The following GRHL2 variants were observed in gnomAD, a reference collection of about 807,000 sequenced individuals.
GRHL2 encodes the protein grainyhead like transcription factor 2, also known as grainyhead-like protein 2 homolog.
Under a neutral mutation model 83.8 loss-of-function variants are expected in GRHL2, and 21 were observed. The observed-to-expected ratio is 0.25, with a 90% CI of 0.18 to 0.36. The LOEUF is 0.36. Ranked by LOEUF, GRHL2 falls within the 10% of genes least tolerant of loss-of-function variation. The pLI is 1.00. For missense variants in GRHL2, 623 were observed against 781.8 expected (o/e 0.80, Z 2.42); for synonymous variants, 280 against 278.9 (o/e 1.00, Z -0.04).
At position 101,647,555 on chromosome 8, in the gene GRHL2, T is replaced by C. The variant is rs934433943; in HGVS notation, c.1613-1859T>C. 9.2e-5 allele frequency among the ~76,000 whole-genome samples: 14 copies of C among 152,210 alleles called. No individual in the cohort carries two copies. The East Asian group carries it at 2.5e-3, about 27-fold the overall frequency. On this transcript the variant is annotated intron_variant, in intron 13 of 15. Transcript: ENST00000646743. ...ATTATTTTTCCTTGTACCGCTAACA[T>C]TGAGTCCTCTTATAATAGCCATTAG...
intron 7 of GRHL2, among the ~76,000 whole-genome samples, chr8:101,584,377 A>G (rs1340673008): frequency 6.6e-6 from 1 of 152,206 alleles, no homozygotes; most frequent in African/African-American, 2.4e-5. Context: ...TTAAGTTTTC[A>G]AAATGAAATC....
At chr8:101,636,243 T>A (rs1813282850) in intron 11 of GRHL2, among the ~76,000 whole-genome samples, 1 of 152,222 alleles carries the variant, frequency 6.6e-6, no homozygotes, top group African/African-American at 2.4e-5. Context: ...CCTTCTGCCA[T>A]GCCAACTACC....
chr8:101,589,020 A>G (rs1030189744), intron 7 of GRHL2, among the ~76,000 whole-genome samples: 1 of 152,208 alleles, frequency 6.6e-6, no homozygotes, highest in Non-Finnish European at 1.5e-5. Flanking sequence ...CGGGGTGATT[A>G]CTGCTGATTA....
chr8:101,673,970 C>T (rs1190479035), downstream of GRHL2, among the ~76,000 whole-genome samples: 2 of 152,084 alleles, frequency 1.3e-5, no homozygotes, highest in African/African-American at 2.4e-5. Context: ...GGGTACATAA[C>T]GAAATGTAGG....
At chr8:101,582,260 G>A (rs1812069881) in intron 7 of GRHL2, among the ~76,000 whole-genome samples, 1 of 150,038 alleles carries the variant, frequency 6.7e-6, no homozygotes, top group Non-Finnish European at 1.5e-5. Context: ...AAATGGGACT[G>A]ACAAATTATT....
chr8:101,549,139 G>A (rs1811326791), intron 2 of GRHL2, among the ~76,000 whole-genome samples: 1 of 151,526 alleles, frequency 6.6e-6, no homozygotes, highest in African/African-American at 2.4e-5. Flanking sequence ...GGGTGGTAGT[G>A]TGGGGGTAGG....
At chr8:101,554,385 A>G (rs984983237) in intron 3 of GRHL2, among the ~76,000 whole-genome samples, 2 of 152,246 alleles carry the variant, frequency 1.3e-5, no homozygotes, top group East Asian at 3.8e-4. Flanking sequence ...TAGCAGGATC[A>G]GGGAAAAACA....
Position 101,599,084 on chromosome 8 carries a change from T to C in GRHL2, c.1031T>C (p.Ile344Thr), listed in dbSNP as rs1380523509. 5.0e-6 allele frequency: 8 copies of C among 1,613,442 alleles called. No homozygotes were observed. The highest frequency in any genetic ancestry group is 2.2e-5 in the East Asian group (1 of 44,878). ...GATTACAAGGAGAGCTTTAATACGA[T>C]TGGAAACATTGAAGAGATTGCATAT... The part of the protein sequence containing the change: ...IADYKESFNT[I>T]GNIEEIAYNA... Residue 344 changes from isoleucine to threonine, a missense_variant, in exon 8 of 16, where the codon ATT becomes ACT. By Grantham distance (89) the Ile-to-Thr change is moderately conservative. Around this residue, in one of 8 missense-constraint regions of GRHL2, gnomAD observed 96 missense variants for 144.8 expected, o/e 0.66. Transcript: ENST00000646743.
intron 4 of GRHL2, chr8:101,562,272 T>C: frequency 1.7e-6 from 1 of 605,148 alleles, no homozygotes; most frequent in South Asian, 1.6e-5. Flanking sequence ...ATTTCTACAT[T>C]TTTCAAATTC....
intron 8 of GRHL2, among the ~76,000 whole-genome samples, chr8:101,607,801 A>G (rs1586139652): frequency 1.3e-5 from 2 of 152,212 alleles, no homozygotes; most frequent in East Asian, 3.8e-4. Context: ...TTGAACTTAA[A>G]CAAAGCCATG....
intron 1 of GRHL2, among the ~76,000 whole-genome samples, chr8:101,507,770 CTTTTTT>C (rs11295472): frequency 1.8e-4 from 12 of 66,310 alleles, no homozygotes; most frequent in African/African-American, 3.8e-4. Context: ...ATGATTATCC[CTTTTTT>C]TTTTTTTTTT....
At chr8:101,674,148 T>C (rs200015020), downstream of GRHL2, among the ~76,000 whole-genome samples, 5 of 151,686 alleles carry the variant, frequency 3.3e-5, no homozygotes, top group East Asian at 1.9e-4. Context: ...ATTAAAAGAA[T>C]TAGAAAAGCA....
intron 7 of GRHL2, among the ~76,000 whole-genome samples, chr8:101,583,359 A>G (rs667737): frequency 0.73 from 111,213 of 152,152 alleles, 43,404 homozygotes; most frequent in Non-Finnish European, 0.85. Context: ...GTGAGAGACA[A>G]ACTGTCAAGC....
chr8:101,671,267 T>G (rs1369404681), downstream of GRHL2, among the ~76,000 whole-genome samples: 2 of 152,136 alleles, frequency 1.3e-5, no homozygotes. Flanking sequence ...TTCCCTTTCC[T>G]AGTCAAAGAA....
At chr8:101,633,883 C>T (rs1813234253) in intron 11 of GRHL2, among the ~76,000 whole-genome samples, 2 of 152,112 alleles carry the variant, frequency 1.3e-5, no homozygotes, top group Admixed American at 6.5e-5. Context: ...ATAACTCTGG[C>T]CTCAGTTCCA....
intron 15 of GRHL2, among the ~76,000 whole-genome samples, chr8:101,665,099 G>T (rs4734572): frequency 0.39 from 59,060 of 151,874 alleles, 11,843 homozygotes; most frequent in South Asian, 0.55. Flanking sequence ...ATCTCTTATC[G>T]CTGATTTATT....
At position 101,666,506 on chromosome 8, in the gene GRHL2, A is replaced by AC. The variant is rs1345680782; in HGVS notation, c.1764-78dup. Reference sequence around the variant, plus strand: ...CCACCACAAAAGAATGGCTACGAGAACCCCCAGCCTGGAGCTCCCCTTGCC... The same window carrying AC: ...CCACCACAAAAGAATGGCTACGAGAACCCCCCAGCCTGGAGCTCCCCTTGCC... On this transcript the variant is annotated intron_variant, in intron 15 of 15. Transcript: ENST00000646743. 3 of 791,616 alleles carry AC rather than the reference A, an allele frequency of 3.8e-6. No homozygotes were observed. The African/African-American group carries it at 5.1e-5, about 13-fold the overall frequency. The allele number at this position is 791,616 out of a possible 1,614,324, so 49.0% of individuals were successfully genotyped here. A position where few individuals can be genotyped will look rare whatever the true frequency, so the allele number is the denominator to read the frequency against.
downstream of GRHL2, among the ~76,000 whole-genome samples, chr8:101,673,715 C>T (rs148696955): frequency 7.4e-3 from 1,129 of 152,072 alleles, 17 homozygotes; most frequent in African/African-American, 0.025. Context: ...ACCTAATAGA[C>T]CTCTACAGAA....
At chr8:101,652,341 A>ATGTG (rs761073289) in intron 14 of GRHL2, among the ~76,000 whole-genome samples, 18,245 of 73,748 alleles carry the variant, frequency 0.25, 2,793 homozygotes, top group South Asian at 0.39. Context: ...GTGTGTGTGT[A>ATGTG]TGTGTGTGGT....
Sources: gnomAD v4.1 joint callset for allele counts (sites outside exome capture counted in the v4.1 genomes callset) on GRCh38, gnomAD v4.1.1 for gene constraint, gnomAD v4.1.1 regional missense constraint, MANE v1.5 for transcripts, NCBI Gene and HGNC (gene_info 2026-07-23, HGNC 2026-07-21) for gene names.